PDE4D: variants seen among roughly 807,000 people sequenced by gnomAD.
The protein encoded by PDE4D is phosphodiesterase 4D.
A neutral mutation model predicts 87.4 loss-of-function variants in PDE4D; 24 were observed. The ratio of observed to expected loss-of-function variants is 0.27; its 90% confidence interval spans 0.20 to 0.39. The LOEUF (loss-of-function observed/expected upper bound fraction) is 0.39. Among genes scored for constraint, PDE4D ranks in the 10% least tolerant of loss-of-function variants. The pLI is 1.00. For missense variants in PDE4D, 714 were observed against 1,041.0 expected, an observed-to-expected ratio of 0.69 and a Z score of 4.32; for synonymous variants, 384 against 383.2, an observed-to-expected ratio of 1.00 and a Z score of -0.02.
At chr5:59,793,284 G>C (rs1325105948) in intron 1 of PDE4D, among the ~76,000 whole-genome samples, 1 of 152,192 alleles carries the variant, frequency 6.6e-6, no homozygotes, top group African/African-American at 2.4e-5. Flanking sequence ...TGGAATTTTG[G>C]ATTTTGTGCC....
At chr5:59,143,610 C>G (rs1778217109) in intron 5 of PDE4D, among the ~76,000 whole-genome samples, 1 of 152,144 alleles carries the variant, frequency 6.6e-6, no homozygotes, top group Admixed American at 6.5e-5. Flanking sequence ...AGTAAGTACT[C>G]AATAAATATT....
chr5:60,043,368 C>A (rs1202414328), intron 2 of PDE4D, among the ~76,000 whole-genome samples: 4 of 152,116 alleles, frequency 2.6e-5, no homozygotes, highest in Non-Finnish European at 4.4e-5. Context: ...TTGGAAAACA[C>A]CCTTCAGGAT....
At chr5:59,143,728 G>A (rs1778233427) in intron 5 of PDE4D, among the ~76,000 whole-genome samples, 1 of 152,150 alleles carries the variant, frequency 6.6e-6, no homozygotes, top group Non-Finnish European at 1.5e-5. Context: ...TTAGTGTTCA[G>A]GCAATATTTA....
chr5:59,431,954 G>A (rs1043565432), intron 1 of PDE4D, among the ~76,000 whole-genome samples: 2 of 151,982 alleles, frequency 1.3e-5, no homozygotes, highest in South Asian at 2.1e-4. Context: ...CAAAAGACAC[G>A]CTCTCATTCT....
At chr5:59,133,744 C>A (rs755612755) in intron 5 of PDE4D, among the ~76,000 whole-genome samples, 1 of 152,136 alleles carries the variant, frequency 6.6e-6, no homozygotes, top group Non-Finnish European at 1.5e-5. Flanking sequence ...CCCATCCTTG[C>A]GGGCTTAGCG....
intron 1 of PDE4D, among the ~76,000 whole-genome samples, chr5:59,274,676 T>C (rs1184769362): frequency 6.6e-6 from 1 of 152,086 alleles, no homozygotes; most frequent in African/African-American, 2.4e-5. Flanking sequence ...TTAAGGGCCA[T>C]GCCATATGCT....
intron 6 of PDE4D, among the ~76,000 whole-genome samples, chr5:59,020,193 G>T (rs1163830340): frequency 6.6e-6 from 1 of 152,180 alleles, no homozygotes. Context: ...TGATGATGTT[G>T]GCCGGGTGTG....
At chr5:60,289,034 C>T (rs1324331678) in intron 1 of PDE4D, among the ~76,000 whole-genome samples, 1 of 152,166 alleles carries the variant, frequency 6.6e-6, no homozygotes, top group Non-Finnish European at 1.5e-5. Flanking sequence ...TCAACAGCTG[C>T]TGTGCCCACT....
intron 2 of PDE4D, among the ~76,000 whole-genome samples, chr5:60,115,021 G>A (rs1197618234): frequency 1.3e-5 from 2 of 151,446 alleles, no homozygotes; most frequent in African/African-American, 2.4e-5. Flanking sequence ...GTTCCTAAAA[G>A]CCATTATATA....
At chr5:60,038,414 C>T (rs1023389874) in intron 2 of PDE4D, among the ~76,000 whole-genome samples, 12 of 151,970 alleles carry the variant, frequency 7.9e-5, no homozygotes, top group African/African-American at 2.2e-4. Flanking sequence ...TTCTCAGGTT[C>T]GTCAAAGATC....
chr5:59,792,021 C>T (rs552190048), intron 1 of PDE4D, among the ~76,000 whole-genome samples: 10 of 152,270 alleles, frequency 6.6e-5, no homozygotes, highest in Admixed American at 2.6e-4. Flanking sequence ...GGCTCCGAAA[C>T]ACAATAAGTG....
intron 2 of PDE4D, among the ~76,000 whole-genome samples, chr5:60,064,911 A>G (rs1165067609): frequency 6.6e-6 from 1 of 152,162 alleles, no homozygotes; most frequent in East Asian, 1.9e-4. Context: ...TGTTCTATAC[A>G]CCTTATCCAT....
intron 3 of PDE4D, among the ~76,000 whole-genome samples, chr5:59,976,861 T>G (rs1484643131): frequency 6.6e-6 from 1 of 152,160 alleles, no homozygotes; most frequent in African/African-American, 2.4e-5. Flanking sequence ...GGGTGATCTG[T>G]GATCAGTGGT....
intron 1 of PDE4D, among the ~76,000 whole-genome samples, chr5:59,450,865 A>G (rs1376764738): frequency 6.6e-6 from 1 of 151,910 alleles, no homozygotes; most frequent in Admixed American, 6.6e-5. Context: ...AGCTTCATCC[A>G]TTTTTCCCTT....
chr5:59,533,499 TG>T (rs1261724196), intron 1 of PDE4D, among the ~76,000 whole-genome samples: 1 of 152,170 alleles, frequency 6.6e-6, no homozygotes, highest in Non-Finnish European at 1.5e-5. Flanking sequence ...TTAATATAGA[TG>T]TGGTTTGTTT....
At position 60,210,090 on chromosome 5, in the gene PDE4D, T is replaced by C. The variant is rs897762729; in HGVS notation, c.-89-24403A>G. Among the ~76,000 whole-genome samples, 5 of 152,138 alleles carry C rather than the reference T, an allele frequency of 3.3e-5. No individual in the cohort carries two copies. The East Asian group carries it at 7.7e-4, about 23-fold the overall frequency. ...CTAACTTAGAATCTACAAATGTCAA[T>C]GTAGATTCTAAATTGGGAAAAAAAT... On this transcript the variant is annotated intron_variant, in intron 1 of 16. Transcript: ENST00000502484.
intron 1 of PDE4D, among the ~76,000 whole-genome samples, chr5:60,250,520 C>A (rs1056108257): frequency 1.3e-5 from 2 of 151,950 alleles, no homozygotes; most frequent in African/African-American, 2.4e-5. Flanking sequence ...GGACCACATA[C>A]TACAGTGGTC....
chr5:59,531,256 A>T (rs1221996636), intron 1 of PDE4D, among the ~76,000 whole-genome samples: 1 of 152,112 alleles, frequency 6.6e-6, no homozygotes, highest in Non-Finnish European at 1.5e-5. Flanking sequence ...TGTTTCCTTC[A>T]TCTGAAATGT....
Position 59,042,121 on chromosome 5 carries a change from CAG to C in PDE4D, c.809-3152_809-3151del, listed in dbSNP as rs1210771871. ...ATGCTAGTGAGAAAATAATTACTAA[CAG>C]AGTAAAGTTTGCTCTGTGAAACTGT... is the stretch of plus-strand genomic sequence containing the variant. On this transcript the variant is annotated intron_variant, in intron 5 of 14. Transcript: ENST00000340635. Among the ~76,000 whole-genome samples, 6 of 152,276 alleles carry C rather than the reference CAG, an allele frequency of 3.9e-5. No homozygotes were observed. In the East Asian group the frequency reaches 5.8e-4, roughly 15 times the overall value.
Sources: allele counts gnomAD v4.1 joint callset (sites outside exome capture counted in the v4.1 genomes callset), GRCh38; gene constraint gnomAD v4.1.1; transcripts MANE v1.5; gene names NCBI Gene and HGNC (gene_info 2026-07-23, HGNC 2026-07-21).